The following PPM1H variants were observed in gnomAD, a reference collection of about 807,000 sequenced individuals.
PPM1H encodes protein phosphatase 1H.
Under a neutral mutation model 54.9 loss-of-function variants are expected in PPM1H, and 27 were observed. The observed-to-expected ratio is 0.49, with a 90% confidence interval of 0.36 to 0.68. PPM1H has a LOEUF of 0.68. Among genes scored for constraint, PPM1H ranks in the 30% least tolerant of loss-of-function variants. The pLI, the probability that PPM1H is intolerant of heterozygous loss-of-function variation, is 0.00. For missense variants in PPM1H, 596 were observed against 667.8 expected, an observed-to-expected ratio of 0.89 and a Z score of 1.19; for synonymous variants, 305 against 270.8, an observed-to-expected ratio of 1.13 and a Z score of -1.24.
intron 2 of PPM1H, among the ~76,000 whole-genome samples, chr12:62,819,407 G>A (rs1319739742): frequency 1.3e-5 from 2 of 152,144 alleles, no homozygotes; most frequent in African/African-American, 4.8e-5. Flanking sequence ...GATTACAGGC[G>A]TGAGCCACCG....
intron 9 of PPM1H, among the ~76,000 whole-genome samples, chr12:62,661,948 C>CA (rs142126621): frequency 0.066 from 10,103 of 152,296 alleles, 421 homozygotes; most frequent in African/African-American, 0.097. Context: ...ATTCATCCAT[C>CA]TGATATAGGA....
At chr12:62,675,755 C>A (rs146422051) in intron 8 of PPM1H, among the ~76,000 whole-genome samples, 1 of 152,288 alleles carries the variant, frequency 6.6e-6, no homozygotes, top group Non-Finnish European at 1.5e-5. Context: ...GCCATTGGGA[C>A]TGAAAAAATC....
At chr12:62,738,323 T>A (rs1331075435) in intron 4 of PPM1H, among the ~76,000 whole-genome samples, 1 of 152,054 alleles carries the variant, frequency 6.6e-6, no homozygotes, top group East Asian at 1.9e-4. Context: ...ATGTGTGGCC[T>A]ACACTGTTGA....
At chr12:62,759,976 C>T (rs1158863325) in intron 4 of PPM1H, among the ~76,000 whole-genome samples, 1 of 152,122 alleles carries the variant, frequency 6.6e-6, no homozygotes, top group East Asian at 1.9e-4. Flanking sequence ...TTTAAACTTG[C>T]CTCCTTCACT....
chr12:62,793,339 C>T (rs2120720189), intron 3 of PPM1H, among the ~76,000 whole-genome samples: 1 of 152,056 alleles, frequency 6.6e-6, no homozygotes, highest in South Asian at 2.1e-4. Context: ...AACATTTAAG[C>T]GAGGTTAATC....
intron 6 of PPM1H, among the ~76,000 whole-genome samples, chr12:62,704,325 C>G (rs887102031): frequency 6.6e-6 from 1 of 152,138 alleles, no homozygotes; most frequent in Non-Finnish European, 1.5e-5. Context: ...GACCCAACAT[C>G]TCGCCCCAGG....
chr12:62,817,470 A>C (rs1443073692), intron 2 of PPM1H, among the ~76,000 whole-genome samples: 2 of 131,972 alleles, frequency 1.5e-5, no homozygotes, highest in Non-Finnish European at 3.5e-5. Flanking sequence ...TCAAAAAAAA[A>C]CAAACAAACA....
rs560756995 is a variant in PPM1H, at chr12:62,750,865, A to G, written c.870-13279T>C. Among the ~76,000 whole-genome samples, 4 of 152,362 alleles carry G rather than the reference A, an allele frequency of 2.6e-5. No homozygotes were observed. The South Asian group carries it at 8.3e-4, about 32-fold the overall frequency. ...GTTTTGCCTGCATGTTTAGATTTCA[A>G]TGTGTACATCACACAATGCTTTATT... is the stretch of plus-strand genomic sequence containing the variant. On this transcript the variant is annotated intron_variant, in intron 4 of 9. Transcript: ENST00000228705.
chr12:62,922,287 A>C (rs1031186095), intron 1 of PPM1H, among the ~76,000 whole-genome samples: 3 of 152,090 alleles, frequency 2.0e-5, no homozygotes, highest in African/African-American at 7.2e-5. Flanking sequence ...GAGTTAATAA[A>C]ATGCATTTAA....
rs34772338 is a variant in PPM1H, at chr12:62,867,564, A to ATTTTTTTT, written c.246-35293_246-35286dup. Among the ~76,000 whole-genome samples the ATTTTTTTT allele has an allele frequency of 1.6e-3, 87 of 55,372 alleles. 15 individuals carry two copies. Among genetic ancestry groups the ATTTTTTTT allele is most frequent in the African/African-American group, 4.2e-3 (65 of 15,608 alleles). The allele number at this position is 55,372 out of a possible 152,430, so 36.3% of individuals were successfully genotyped here. ...TCCTGAAATACATCTTATGAGCACT[A>ATTTTTTTT]TTTTTTTTTTTTTTTTTTTTTTTTT... On this transcript the variant is annotated intron_variant, in intron 1 of 9. Transcript: ENST00000228705.
intron 1 of PPM1H, among the ~76,000 whole-genome samples, chr12:62,883,262 G>A (rs1216028845): frequency 1.3e-5 from 2 of 152,102 alleles, no homozygotes; most frequent in African/African-American, 2.4e-5. Flanking sequence ...ATGCTGACAG[G>A]CCACCGTAAC....
chr12:62,924,460 G>A (rs1254680332), intron 1 of PPM1H, among the ~76,000 whole-genome samples: 1 of 152,172 alleles, frequency 6.6e-6, no homozygotes, highest in African/African-American at 2.4e-5. Flanking sequence ...ACCAGTTTCT[G>A]AATTTTGATG....
chr12:62,800,537 C>T (rs1592605498), intron 3 of PPM1H, among the ~76,000 whole-genome samples: 1 of 151,970 alleles, frequency 6.6e-6, no homozygotes, highest in African/African-American at 2.4e-5. Flanking sequence ...CGGGGTTGCA[C>T]CTTATTCACC....
intron 6 of PPM1H, among the ~76,000 whole-genome samples, chr12:62,719,942 G>A (rs2076254581): frequency 1.3e-5 from 2 of 152,108 alleles, no homozygotes; most frequent in Non-Finnish European, 1.5e-5. Flanking sequence ...AGTTTCCTGG[G>A]GTCCAATATC....
chr12:62,801,935 G>A lies in PPM1H; in HGVS notation c.637C>T (p.Arg213Cys). ...SRTLTRAASL[R>C]GGVGAPGSPS... ...GAGCCCGGGGCCCCCACCCCTCCGC[G>A]CAGGGAGGCTGCCCGGGTCAGAGTC... is the stretch of plus-strand genomic sequence containing the variant. Residue 213 changes from arginine to cysteine, a missense_variant, in exon 3 of 10, where the codon CGC becomes TGC. Transcript: ENST00000228705. 1 of 1,612,872 alleles carries A rather than the reference G, an allele frequency of 6.2e-7. No homozygotes were observed. Among genetic ancestry groups the A allele is most frequent in the Non-Finnish European group, 8.5e-7 (1 of 1,179,324 alleles).
At chr12:62,898,281 G>A (rs1437372227) in intron 1 of PPM1H, among the ~76,000 whole-genome samples, 1 of 152,114 alleles carries the variant, frequency 6.6e-6, no homozygotes, top group African/African-American at 2.4e-5. Context: ...TGTTTATCAA[G>A]GCAATAAGTT....
rs2120462963 is a variant in PPM1H, at chr12:62,720,275, A to G, written c.969T>C (p.Pro323=). 6.2e-7 allele frequency: 1 copy of G among 1,612,200 alleles called. No homozygotes were observed. Among genetic ancestry groups the G allele is most frequent in the Non-Finnish European group, 8.5e-7 (1 of 1,178,264 alleles). Residue 323 remains proline (P), a synonymous_variant, in exon 6 of 10, where the codon CCT becomes CCC. Coordinates refer to ENST00000228705, the MANE Select transcript of PPM1H (RefSeq NM_020700.2). ...GTGTGAACTCATTTCCCAGCAAGTGAGGCTGCATGAATGCCTAATAGCAAA... is the reference window on the plus strand; with the variant it reads ...GTGTGAACTCATTTCCCAGCAAGTGGGGCTGCATGAATGCCTAATAGCAAA... ...QRLQYLAFMQ[P]HLLGNEFTHL...
At chr12:62,811,665 T>C (rs966404688) in intron 2 of PPM1H, among the ~76,000 whole-genome samples, 5 of 152,288 alleles carry the variant, frequency 3.3e-5, no homozygotes, top group Admixed American at 6.5e-5. Context: ...GTTCTTGTGA[T>C]AGTGAGTTCT....
intron 5 of PPM1H, among the ~76,000 whole-genome samples, chr12:62,727,203 G>T (rs2076294439): frequency 6.6e-6 from 1 of 152,090 alleles, no homozygotes; most frequent in Admixed American, 6.5e-5. Flanking sequence ...ACCATGCCCG[G>T]CCATGTGTCC....
Sources: gnomAD v4.1 joint callset for allele counts (sites outside exome capture counted in the v4.1 genomes callset) on GRCh38, gnomAD v4.1.1 for gene constraint, MANE v1.5 for transcripts, NCBI Gene and HGNC (gene_info 2026-07-23, HGNC 2026-07-21) for gene names.